AUTS2: variants seen among roughly 807,000 people sequenced by gnomAD.
The protein encoded by AUTS2 is activator of transcription and developmental regulator AUTS2, also known as autism susceptibility gene 2 protein.
AUTS2 carries 17 observed loss-of-function variants against 112.4 expected under a neutral mutation model. The observed-to-expected ratio is 0.15, with a 90% CI of 0.10 to 0.23. The LOEUF (loss-of-function observed/expected upper bound fraction) is 0.23. AUTS2 is among the 10% of genes least tolerant of loss of function. The pLI, the probability that AUTS2 is intolerant of heterozygous loss-of-function variation, is 1.00. For missense variants in AUTS2, 1,510 were observed against 1,701.6 expected, an observed-to-expected ratio of 0.89 and a Z score of 1.98; for synonymous variants, 751 against 702.7, an observed-to-expected ratio of 1.07 and a Z score of -1.09.
intron 1 of AUTS2, among the ~76,000 whole-genome samples, chr7:69,889,770 A>G (rs995269455): frequency 6.6e-6 from 1 of 152,198 alleles, no homozygotes; most frequent in African/African-American, 2.4e-5. Context: ...AGAAAAAGCA[A>G]TCGAAATTTG....
chr7:70,424,757 A>T (rs966378165), intron 4 of AUTS2, among the ~76,000 whole-genome samples: 18 of 152,088 alleles, frequency 1.2e-4, no homozygotes, highest in Middle Eastern at 3.4e-3. Flanking sequence ...TGCTAATTTT[A>T]AAATTTTTTG....
chr7:69,684,991 A>G (rs971598453), intron 1 of AUTS2, among the ~76,000 whole-genome samples: 6 of 152,164 alleles, frequency 3.9e-5, no homozygotes, highest in African/African-American at 1.4e-4. Context: ...AGGGACTCAT[A>G]TTGTTTCTAA....
intron 2 of AUTS2, among the ~76,000 whole-genome samples, chr7:69,927,023 G>A (rs1284196430): frequency 2.0e-5 from 3 of 146,982 alleles, no homozygotes; most frequent in East Asian, 2.0e-4. Context: ...ATAAAAAATT[G>A]TAGCTAATAA....
chr7:70,595,406 T>G (rs2129529040), intron 5 of AUTS2, among the ~76,000 whole-genome samples: 1 of 152,004 alleles, frequency 6.6e-6, no homozygotes, highest in East Asian at 1.9e-4. Flanking sequence ...AACTTAATGT[T>G]TAAGTGTCTT....
intron 4 of AUTS2, among the ~76,000 whole-genome samples, chr7:70,222,149 T>G (rs2129592615): frequency 6.6e-6 from 1 of 152,334 alleles, no homozygotes; most frequent in East Asian, 1.9e-4. Flanking sequence ...GCTCCAGCAT[T>G]TTACATATTT....
intron 5 of AUTS2, among the ~76,000 whole-genome samples, chr7:70,570,590 A>G (rs1585315464): frequency 6.6e-6 from 1 of 151,486 alleles, no homozygotes; most frequent in Non-Finnish European, 1.5e-5. Context: ...CTATGCCTTC[A>G]CTCCCACTGA....
At chr7:70,392,115 A>C (rs79439950) in intron 4 of AUTS2, among the ~76,000 whole-genome samples, 12 of 152,326 alleles carry the variant, frequency 7.9e-5, no homozygotes, top group Non-Finnish European at 1.6e-4. Context: ...AACCATGTTA[A>C]AAAGCTTATT....
intron 1 of AUTS2, among the ~76,000 whole-genome samples, chr7:69,855,925 G>A (rs1432679352): frequency 6.6e-6 from 1 of 152,088 alleles, no homozygotes; most frequent in Non-Finnish European, 1.5e-5. Context: ...CCTTAGGTTG[G>A]CTAATTTTAC....
At chr7:70,669,301 C>T (rs1807512810) in intron 5 of AUTS2, among the ~76,000 whole-genome samples, 1 of 152,174 alleles carries the variant, frequency 6.6e-6, no homozygotes, top group African/African-American at 2.4e-5. Context: ...TGGGAAGATG[C>T]TTGGGTGTGT....
intron 1 of AUTS2, among the ~76,000 whole-genome samples, chr7:69,809,276 C>T (rs1249357822): frequency 6.6e-6 from 1 of 151,590 alleles, no homozygotes; most frequent in African/African-American, 2.4e-5. Context: ...GACGGGGTTT[C>T]ACTGTGTTAG....
At chr7:70,281,836 G>A (rs1463523235) in intron 4 of AUTS2, among the ~76,000 whole-genome samples, 2 of 152,208 alleles carry the variant, frequency 1.3e-5, no homozygotes, top group Admixed American at 6.5e-5. Context: ...TAAAGACTAT[G>A]TAATTTCAGG....
intron 1 of AUTS2, among the ~76,000 whole-genome samples, chr7:69,897,841 G>T (rs553092924): frequency 2.0e-4 from 30 of 152,248 alleles, no homozygotes; most frequent in African/African-American, 7.2e-4. Flanking sequence ...TGGCTGATTT[G>T]GGGAGAGATG....
chr7:69,715,378 A>G (rs1798556493), intron 1 of AUTS2, among the ~76,000 whole-genome samples: 1 of 152,200 alleles, frequency 6.6e-6, no homozygotes, highest in Non-Finnish European at 1.5e-5. Context: ...TCTTAACCAG[A>G]AGGCAATCAA....
intron 5 of AUTS2, among the ~76,000 whole-genome samples, chr7:70,519,799 T>C (rs1799569460): frequency 6.6e-6 from 1 of 152,154 alleles, no homozygotes; most frequent in African/African-American, 2.4e-5. Flanking sequence ...CTTTACTTAA[T>C]ATGAGCAGCT....
At position 69,977,731 on chromosome 7, in the gene AUTS2, G is replaced by C. The variant is rs571072479; in HGVS notation, c.522+78233G>C. Among the ~76,000 whole-genome samples the C allele has an allele frequency of 2.6e-5, 4 of 152,232 alleles. No individual in the cohort carries two copies. The South Asian group carries it at 6.2e-4, about 24-fold the overall frequency. Reference sequence around the variant, plus strand: ...TGGCTAAAGACAACAAACTTTTCTAGGGGCTTGTTTTGGTATGTGTCATTG... The same window carrying C: ...TGGCTAAAGACAACAAACTTTTCTACGGGCTTGTTTTGGTATGTGTCATTG... On this transcript the variant is annotated intron_variant, in intron 2 of 18. Coordinates refer to ENST00000342771, the MANE Select transcript of AUTS2 (RefSeq NM_015570.4).
chr7:70,541,060 C>T (rs906141694), intron 5 of AUTS2, among the ~76,000 whole-genome samples: 8 of 152,180 alleles, frequency 5.3e-5, no homozygotes, highest in African/African-American at 1.9e-4. Flanking sequence ...CCTGAGTCCA[C>T]GAAATCTAAA....
chr7:69,949,237 C>T (rs1319187027), intron 2 of AUTS2, among the ~76,000 whole-genome samples: 1 of 152,176 alleles, frequency 6.6e-6, no homozygotes, highest in African/African-American at 2.4e-5. Context: ...TATGATGTAA[C>T]ATACATAAAG....
chr7:70,064,934 C>T (rs1172568465), intron 2 of AUTS2, among the ~76,000 whole-genome samples: 3 of 152,248 alleles, frequency 2.0e-5, no homozygotes, highest in South Asian at 2.1e-4. Context: ...AAGATTTAAC[C>T]TGGGGATTAT....
chr7:70,105,921 T>G (rs892588367), intron 2 of AUTS2, among the ~76,000 whole-genome samples: 8 of 152,184 alleles, frequency 5.3e-5, no homozygotes, highest in Non-Finnish European at 7.4e-5. Flanking sequence ...CAGCTTCTCA[T>G]AAATTTATAT....
Sources: gnomAD v4.1 joint callset for allele counts (sites outside exome capture counted in the v4.1 genomes callset) on GRCh38, gnomAD v4.1.1 for gene constraint, MANE v1.5 for transcripts, NCBI Gene and HGNC (gene_info 2026-07-23, HGNC 2026-07-21) for gene names.